Variants in PRKD1 observed in about 807,000 individuals in gnomAD.
PRKD1 encodes protein kinase D1, also known as serine/threonine-protein kinase D1.
PRKD1 carries 63 observed loss-of-function variants against 95.9 expected under a neutral mutation model. The observed-to-expected ratio is 0.66, with a 90% CI of 0.54 to 0.81. The LOEUF (loss-of-function observed/expected upper bound fraction) is 0.81, where lower values mean the gene tolerates loss of function less well. Ranked by LOEUF, PRKD1 falls within the 30% of genes least tolerant of loss-of-function variation. PRKD1 has a pLI of 0.00. For missense variants in PRKD1, 1,048 were observed against 1,165.3 expected (o/e 0.90, Z 1.47); for synonymous variants, 425 against 423.1 (o/e 1.00, Z -0.05).
At chr14:29,750,675 A>G (rs1018253354) in intron 1 of PRKD1, among the ~76,000 whole-genome samples, 1 of 152,096 alleles carries the variant, frequency 6.6e-6, no homozygotes, top group East Asian at 1.9e-4. Context: ...AGACATGCTA[A>G]TTCACCTAAT....
chr14:29,587,910 T>A (rs1892992018), intron 16 of PRKD1, among the ~76,000 whole-genome samples: 1 of 152,212 alleles, frequency 6.6e-6, no homozygotes, highest in South Asian at 2.1e-4. Context: ...CTGACCACCA[T>A]AATTCACTTT....
intron 15 of PRKD1, among the ~76,000 whole-genome samples, chr14:29,598,151 C>A (rs1345910232): frequency 6.6e-6 from 1 of 151,812 alleles, no homozygotes; most frequent in African/African-American, 2.4e-5. Context: ...TGGTGTGCAG[C>A]TATAGTCCCA....
intron 16 of PRKD1, chr14:29,591,130 A>G (rs775058842): frequency 6.6e-6 from 1 of 152,142 alleles, no homozygotes; most frequent in Non-Finnish European, 1.5e-5. Context: ...TTGCATCTTT[A>G]TTATACACGA....
At chr14:29,897,171 T>A (rs1342126438) in intron 1 of PRKD1, among the ~76,000 whole-genome samples, 1 of 152,072 alleles carries the variant, frequency 6.6e-6, no homozygotes, top group Non-Finnish European at 1.5e-5. Context: ...CAACCATATA[T>A]CGTGGACATC....
chr14:29,878,331 G>GTT (rs1431807180), intron 1 of PRKD1, among the ~76,000 whole-genome samples: 3 of 86,146 alleles, frequency 3.5e-5, no homozygotes, highest in African/African-American at 1.7e-4. Flanking sequence ...AAAATCTGGA[G>GTT]TTCTAATGAC....
chr14:29,862,927 A>C lies in PRKD1; in HGVS notation c.264+64322T>G, dbSNP rs551576992. Among the ~76,000 whole-genome samples, 23 of 152,236 alleles carry C rather than the reference A, an allele frequency of 1.5e-4. No individual in the cohort carries two copies. In the South Asian group the frequency reaches 4.8e-3, roughly 32 times the overall value. On this transcript the variant is annotated intron_variant, in intron 1 of 17. Transcript: ENST00000331968. ...TGTGCTTATGGGGTATTACTCAATAAATCTTTGCCCAGACCGATGTCCTGG... is the reference window on the plus strand; with the variant it reads ...TGTGCTTATGGGGTATTACTCAATACATCTTTGCCCAGACCGATGTCCTGG...
intron 1 of PRKD1, among the ~76,000 whole-genome samples, chr14:29,734,895 T>G (rs1283807248): frequency 1.3e-5 from 2 of 152,180 alleles, no homozygotes; most frequent in Non-Finnish European, 2.9e-5. Flanking sequence ...ACAATTAGGC[T>G]CTGCTTGGGT....
At chr14:29,733,673 A>G (rs1886569230) in intron 1 of PRKD1, among the ~76,000 whole-genome samples, 1 of 152,078 alleles carries the variant, frequency 6.6e-6, no homozygotes, top group African/African-American at 2.4e-5. Context: ...TAGATCTCAT[A>G]AGAACTCACT....
intron 1 of PRKD1, among the ~76,000 whole-genome samples, chr14:29,785,445 G>T (rs998257474): frequency 6.6e-6 from 1 of 151,956 alleles, no homozygotes; most frequent in Non-Finnish European, 1.5e-5. Flanking sequence ...TGAATTTATT[G>T]GTTCTAAGAG....
chr14:29,665,677 G>A (rs1413392455), intron 3 of PRKD1, among the ~76,000 whole-genome samples: 2 of 151,952 alleles, frequency 1.3e-5, no homozygotes, highest in African/African-American at 4.8e-5. Flanking sequence ...ACCAATGAGT[G>A]GATAAAGAGA....
At chr14:29,807,166 G>C (rs1890270058) in intron 1 of PRKD1, among the ~76,000 whole-genome samples, 1 of 152,268 alleles carries the variant, frequency 6.6e-6, no homozygotes, top group African/African-American at 2.4e-5. Flanking sequence ...AGAATCTGAT[G>C]CCGCTGATCT....
Position 29,907,521 on chromosome 14 carries a change from G to A in PRKD1, c.264+19728C>T, listed in dbSNP as rs45511099. On this transcript the variant is annotated intron_variant, in intron 1 of 17. Transcript: ENST00000331968. The stretch of plus-strand genomic sequence containing the variant: ...AAAAAATAGGCAAAGATCCCTGGTC[G>A]TGTGGTGTTTATACTCTCGTGTGAT... Among the ~76,000 whole-genome samples the A allele has an allele frequency of 6.0e-3, 910 of 152,238 alleles. 9 individuals are homozygous for A. Among genetic ancestry groups the A allele is most frequent in the African/African-American group, 0.02 (832 of 41,542 alleles).
At chr14:29,698,829 GC>G (rs994780440) in intron 2 of PRKD1, among the ~76,000 whole-genome samples, 1 of 151,982 alleles carries the variant, frequency 6.6e-6, no homozygotes. Flanking sequence ...ACAATGTTCA[GC>G]CTGCACTAAC....
intron 2 of PRKD1, among the ~76,000 whole-genome samples, chr14:29,715,323 A>T (rs1885551633): frequency 1.3e-5 from 2 of 151,912 alleles, no homozygotes; most frequent in Non-Finnish European, 1.5e-5. Flanking sequence ...AACTTTTTTC[A>T]GATAGTGAAA....
At chr14:29,706,886 T>C (rs1885118475) in intron 2 of PRKD1, among the ~76,000 whole-genome samples, 1 of 152,062 alleles carries the variant, frequency 6.6e-6, no homozygotes, top group Admixed American at 6.6e-5. Context: ...TAGGGAAGGA[T>C]ATATGTGCTG....
chr14:29,910,097 G>A (rs1175679871), intron 1 of PRKD1, among the ~76,000 whole-genome samples: 1 of 152,082 alleles, frequency 6.6e-6, no homozygotes, highest in African/African-American at 2.4e-5. Context: ...TTCACTCTTT[G>A]CAATAAATCT....
intron 4 of PRKD1, among the ~76,000 whole-genome samples, chr14:29,649,235 C>T (rs1050651620): frequency 5.9e-5 from 9 of 152,086 alleles, no homozygotes; most frequent in East Asian, 3.9e-4. Flanking sequence ...ATACTGGAGG[C>T]GTGTATTTAT....
At chr14:29,656,405 G>A in intron 4 of PRKD1, 4 of 1,394,880 alleles carry the variant, frequency 2.9e-6, no homozygotes, top group Non-Finnish European at 3.9e-6. Context: ...ATTGTCTGAT[G>A]TCAGCGTAAT....
intron 1 of PRKD1, among the ~76,000 whole-genome samples, chr14:29,901,583 A>G (rs537313031): frequency 1.2e-4 from 19 of 152,260 alleles, no homozygotes; most frequent in South Asian, 2.1e-4. Flanking sequence ...AATAAAAATA[A>G]AAAAGATACA....
Sources: allele counts gnomAD v4.1 joint callset (sites outside exome capture counted in the v4.1 genomes callset), GRCh38; gene constraint gnomAD v4.1.1; transcripts MANE v1.5; gene names NCBI Gene and HGNC (gene_info 2026-07-23, HGNC 2026-07-21).